Variants in TNFSF13 observed in about 807,000 individuals in gnomAD.
TNFSF13 encodes tumor necrosis factor ligand superfamily member 13.
In TNFSF13, 18 loss-of-function variants were observed where a neutral mutation model predicts 30.7. The observed-to-expected ratio is 0.59, with a 90% CI of 0.41 to 0.87. The LOEUF (loss-of-function observed/expected upper bound fraction) is 0.87. Among genes scored for constraint, TNFSF13 ranks in the 40% least tolerant of loss-of-function variants. The pLI, the probability that TNFSF13 is intolerant of heterozygous loss-of-function variation, is 0.00. For synonymous variants in TNFSF13, 116 were observed against 123.2 expected (o/e 0.94, Z 0.39); for missense variants, 286 against 308.8 (o/e 0.93, Z 0.55).
Position 7,561,487 on chromosome 17 carries a change from T to C in TNFSF13, c.*654T>C, listed in dbSNP as rs2071204291. 5.0e-6 allele frequency: 1 copy of C among 201,914 alleles called. No individual in the cohort carries two copies. The highest frequency in any genetic ancestry group is 2.4e-5 in the African/African-American group (1 of 42,128). 12.5% of individuals were successfully genotyped at this position (201,914 alleles called of 1,614,324 possible). On this transcript the variant is annotated 3_prime_UTR_variant, in exon 6 of 6. Coordinates refer to ENST00000338784, the MANE Select transcript of TNFSF13 (RefSeq NM_003808.4). The surrounding 1 kb of genome is among the most constrained non-coding windows in gnomAD (Gnocchi z 4.4). Reference sequence around the variant, plus strand: ...CCAAGCCCTTCCGGGCTGGAACTGGTGTCGGAGGAGCCTCGGGTGTATCGT... The same window carrying C: ...CCAAGCCCTTCCGGGCTGGAACTGGCGTCGGAGGAGCCTCGGGTGTATCGT...
At position 7,561,599 on chromosome 17, in the gene TNFSF13, A is replaced by G. The variant is rs1037706965; in HGVS notation, c.*766A>G. 2 of 156,848 alleles carry G rather than the reference A, an allele frequency of 1.3e-5. No homozygotes were observed. Among genetic ancestry groups the G allele is most frequent in the African/African-American group, 4.8e-5 (2 of 41,472 alleles). The allele number at this position is 156,848 out of a possible 1,614,324, so 9.7% of individuals were successfully genotyped here. A position where few individuals can be genotyped will look rare whatever the true frequency, so the allele number is the denominator to read the frequency against. On this transcript the variant is annotated 3_prime_UTR_variant, in exon 6 of 6. Transcript: ENST00000338784. This position sits in a 1 kb window ranked among gnomAD's most constrained non-coding sequence, Gnocchi z 4.4. Reference sequence around the variant, plus strand: ...AAAGTTAAATAAAATAGAATGAATGATACCCCGGCTCCATTTCCCCCACTG... The same window carrying G: ...AAAGTTAAATAAAATAGAATGAATGGTACCCCGGCTCCATTTCCCCCACTG...
Position 7,558,879 on chromosome 17 carries a change from T to C in TNFSF13, c.-161T>C, listed in dbSNP as rs2071116504. On this transcript the variant is annotated 5_prime_UTR_variant, in exon 1 of 6. Transcript: ENST00000338784. The surrounding 1 kb of genome is among the most constrained non-coding windows in gnomAD (Gnocchi z 4.3). The stretch of plus-strand genomic sequence containing the variant: ...CAGGAGCACTAACAGTACCCTTAGC[T>C]TGCTTTCCTCCTCCCTCCTTTTTAT... 1 of 893,304 alleles carries C rather than the reference T, an allele frequency of 1.1e-6. No homozygotes were observed. The highest frequency in any genetic ancestry group is 1.6e-6 in the Non-Finnish European group (1 of 628,776). The allele number at this position is 893,304 out of a possible 1,614,324, so 55.3% of individuals were successfully genotyped here.
chr17:7,559,733 A>C lies in TNFSF13; in HGVS notation c.337+31A>C. On this transcript the variant is annotated intron_variant, in intron 2 of 5. Transcript: ENST00000338784. This position sits in a 1 kb window ranked among gnomAD's most constrained non-coding sequence, Gnocchi z 5.4. ...GCTTCCAGGGTGCAGCAGGGGTGGGAGGTGATCAAGCAGCGTGGGGATTGT... is the reference window on the plus strand; with the variant it reads ...GCTTCCAGGGTGCAGCAGGGGTGGGCGGTGATCAAGCAGCGTGGGGATTGT... The C allele has an allele frequency of 6.2e-7, 1 of 1,613,764 alleles. No individual in the cohort carries two copies. Among genetic ancestry groups the C allele is most frequent in the Non-Finnish European group, 8.5e-7 (1 of 1,179,896 alleles).
In TNFSF13 at chr17:7,560,898, G is replaced by A; in HGVS notation, c.*65G>A. ...GTGGGTACATACTGGAGACAGCCAA[G>A]AGCTGAGTATATAAAGGAGAGGGAA... On this transcript the variant is annotated 3_prime_UTR_variant, in exon 6 of 6. Transcript: ENST00000338784. The A allele has an allele frequency of 1.2e-6, 2 of 1,614,188 alleles. No homozygotes were observed. The highest frequency in any genetic ancestry group is 1.7e-6 in the Non-Finnish European group (2 of 1,180,020).
In TNFSF13 at chr17:7,561,077, G is replaced by A. The variant is rs1597835613; in HGVS notation, c.*244G>A. On this transcript the variant is annotated 3_prime_UTR_variant, in exon 6 of 6. Transcript: ENST00000338784. The surrounding 1 kb of genome is among the most constrained non-coding windows in gnomAD (Gnocchi z 4.4). The stretch of plus-strand genomic sequence containing the variant: ...GCGTGTGTGTAGATGAGGGGCGGGG[G>A]ACGGGCGCCAGGCATTGTCCAGACC... The A allele has an allele frequency of 2.5e-6, 4 of 1,597,592 alleles. No individual in the cohort carries two copies. The highest frequency in any genetic ancestry group is 3.4e-6 in the Non-Finnish European group (4 of 1,171,876).
chr17:7,559,708 G>A lies in TNFSF13; in HGVS notation c.337+6G>A, dbSNP rs1415935197. The A allele has an allele frequency of 1.2e-6, 2 of 1,613,886 alleles. No individual in the cohort carries two copies. The highest frequency in any genetic ancestry group is 2.2e-5 in the East Asian group (1 of 44,864). The stretch of plus-strand genomic sequence containing the variant: ...GCTCACCCAAAAACAGAAGAGTGAG[G>A]CTTCCAGGGTGCAGCAGGGGTGGGA... On this transcript the variant is annotated splice_donor_region_variant and intron_variant, in intron 2 of 5. Transcript: ENST00000338784. This position sits in a 1 kb window ranked among gnomAD's most constrained non-coding sequence, Gnocchi z 5.4.
rs778802602 is a variant in TNFSF13 at position 7,561,113 on chromosome 17, C to T, written c.*280C>T. 2.5e-4 allele frequency: 391 copies of T among 1,550,450 alleles called. 1 individual carries two copies. The highest frequency in any genetic ancestry group is 3.0e-4 in the Non-Finnish European group (342 of 1,129,498). On this transcript the variant is annotated 3_prime_UTR_variant, in exon 6 of 6. Coordinates refer to ENST00000338784, the MANE Select transcript of TNFSF13 (RefSeq NM_003808.4). This position sits in a 1 kb window ranked among gnomAD's most constrained non-coding sequence, Gnocchi z 4.4. ...GGCATTGTCCAGACCTGGTCGGGGC[C>T]CACTGGAAGCATCCAGAACAGCACC...
In TNFSF13 at chr17:7,560,056, C is replaced by T. The variant is rs753640456; in HGVS notation, c.393C>T (p.Ser131=). The T allele has an allele frequency of 8.7e-6, 14 of 1,614,066 alleles. No homozygotes were observed. The highest frequency in any genetic ancestry group is 1.6e-4 in the Middle Eastern group (1 of 6,062). The change falls in exon 4 of 6, where the codon TCC becomes TCT. Residue 131 remains serine (S), a synonymous_variant. Transcript: ENST00000338784. The part of the protein sequence containing the change: ...VPINATSKDD[S]DVTEVMWQPA... ...ACACACTCTCACCTCCAGATGACTCCGATGTGACAGAGGTGATGTGGCAAC... is the reference window on the plus strand; with the variant it reads ...ACACACTCTCACCTCCAGATGACTCTGATGTGACAGAGGTGATGTGGCAAC...
At chr17:7,560,287 C>T in intron 4 of TNFSF13, 63 bp from the exon 5 acceptor site, 1 of 1,612,990 alleles carries the variant, frequency 6.2e-7, no homozygotes, top group Non-Finnish European at 8.5e-7. Context: ...GTTAGCGCTC[C>T]TGAGGCCTCC....
In TNFSF13 at chr17:7,561,245, G is replaced by T. The variant is rs1329048395; in HGVS notation, c.*412G>T. 23 of 604,234 alleles carry T rather than the reference G, an allele frequency of 3.8e-5. No individual in the cohort carries two copies. The highest frequency in any genetic ancestry group is 5.9e-6 in the Non-Finnish European group (2 of 341,494). The allele number at this position is 604,234 out of a possible 1,614,324, so 37.4% of individuals were successfully genotyped here. On this transcript the variant is annotated 3_prime_UTR_variant, in exon 6 of 6. Coordinates refer to ENST00000338784, the MANE Select transcript of TNFSF13 (RefSeq NM_003808.4). The surrounding 1 kb of genome is among the most constrained non-coding windows in gnomAD (Gnocchi z 4.4). ...GTTCTCCATGCCACACCTCTCTCCA[G>T]GTGCCCTCTGCCTCTTCACCCCACA...
Position 7,560,667 on chromosome 17 carries a change from A to G in TNFSF13, c.644-57A>G. The stretch of plus-strand genomic sequence containing the variant: ...GGTGGAGCTGGAGAAGGCAGGGGGA[A>G]ACAGGGCATCTGGATGGCTGTGCTT... On this transcript the variant is annotated intron_variant, in intron 5 of 5. Coordinates refer to ENST00000338784, the MANE Select transcript of TNFSF13 (RefSeq NM_003808.4). The G allele has an allele frequency of 9.9e-6, 16 of 1,613,216 alleles. No individual in the cohort carries two copies. In the South Asian group the frequency reaches 1.8e-4, roughly 18 times the overall value.
Position 7,559,069 on chromosome 17 carries a change from C to T in TNFSF13, c.30C>T (p.Ala10=). 3 of 1,568,700 alleles carry T rather than the reference C, an allele frequency of 1.9e-6. No individual in the cohort carries two copies. The highest frequency in any genetic ancestry group is 1.2e-5 in the South Asian group (1 of 86,252). Residue 10 remains alanine (A), a synonymous_variant, in exon 1 of 6, where the codon GCC becomes GCT. Coordinates refer to ENST00000338784, the MANE Select transcript of TNFSF13 (RefSeq NM_003808.4). The surrounding 1 kb of genome is among the most constrained non-coding windows in gnomAD (Gnocchi z 5.4). MPASSPFLL[A]PKGPPGNMGG... ...CAGCCTCATCTCCTTTCTTGCTAGC[C>T]CCCAAAGGGCCTCCAGGCAACATGG...
At chr17:7,560,621 C>A (rs1392652033) in intron 5 of TNFSF13, 103 bp from the exon 6 acceptor site, 3 of 1,610,854 alleles carry the variant, frequency 1.9e-6, no homozygotes, top group Admixed American at 1.7e-5. Context: ...AATGCCGGGT[C>A]CTTACAGGAG....
Position 7,561,103 on chromosome 17 carries a change from T to C in TNFSF13, c.*270T>C. ...ACGGGCGCCAGGCATTGTCCAGACC[T>C]GGTCGGGGCCCACTGGAAGCATCCA... On this transcript the variant is annotated 3_prime_UTR_variant, in exon 6 of 6. Transcript: ENST00000338784. The surrounding 1 kb of genome is among the most constrained non-coding windows in gnomAD (Gnocchi z 4.4). 1 of 1,579,962 alleles carries C rather than the reference T, an allele frequency of 6.3e-7. No homozygotes were observed. Among genetic ancestry groups the C allele is most frequent in the Admixed American group, 1.7e-5 (1 of 59,368 alleles).
chr17:7,558,966 G>A lies in TNFSF13; in HGVS notation c.-74G>A, dbSNP rs563864676. On this transcript the variant is annotated 5_prime_UTR_variant, in exon 1 of 6. Transcript: ENST00000338784. The surrounding 1 kb of genome is among the most constrained non-coding windows in gnomAD (Gnocchi z 4.3). ...CTTCTTCCCTTCTGCACCACTGCCC[G>A]TACCCTTACCCGCCCCGCCACCTCC... is the stretch of plus-strand genomic sequence containing the variant. 152 of 1,462,526 alleles carry A rather than the reference G, an allele frequency of 1.0e-4. No homozygotes were observed. The highest frequency in any genetic ancestry group is 1.0e-3 in the East Asian group (42 of 41,806). 90.6% of individuals were successfully genotyped at this position (1,462,526 alleles called of 1,614,324 possible).
At chr17:7,560,017 A>G in intron 3 of TNFSF13, 32 bp from the exon 4 acceptor site, 2 of 1,614,156 alleles carry the variant, frequency 1.2e-6, no homozygotes, top group Non-Finnish European at 1.7e-6. Flanking sequence ...GAGAGTGCCA[A>G]GAAGTCCTGA....
intron 5 of TNFSF13, 46 bp downstream of exon 5, chr17:7,560,534 G>T: frequency 6.2e-7 from 1 of 1,613,170 alleles, no homozygotes; most frequent in African/African-American, 1.3e-5. Context: ...TCTGACCGGG[G>T]GTAGCAGTGC....
rs767405650 is a variant in TNFSF13, at chr17:7,559,104, T to G, written c.65T>G (p.Val22Gly). The change falls in exon 1 of 6, where the codon GTC (valine) becomes GGC (glycine). Residue 22 changes from valine (V) to glycine (G), a missense_variant. Val to Gly is a moderately radical substitution (Grantham distance 109). Coordinates refer to ENST00000338784, the MANE Select transcript of TNFSF13 (RefSeq NM_003808.4). The surrounding 1 kb of genome is among the most constrained non-coding windows in gnomAD (Gnocchi z 5.4). Reference protein sequence around the residue: ...KGPPGNMGGPVREPALSVALW... With the variant: ...KGPPGNMGGPGREPALSVALW... ...CCTCCAGGCAACATGGGGGGCCCAG[T>G]CAGAGAGCCGGCACTCTCAGTTGCC... is the stretch of plus-strand genomic sequence containing the variant. 18 of 1,601,484 alleles carry G rather than the reference T, an allele frequency of 1.1e-5. No individual in the cohort carries two copies. The South Asian group carries it at 2.0e-4, about 18-fold the overall frequency.
rs1202892688 is a variant in TNFSF13, at chr17:7,560,865, A to T, written c.*32A>T. On this transcript the variant is annotated 3_prime_UTR_variant, in exon 6 of 6. Transcript: ENST00000338784. ...TATAAAAAGTGGCTCCCAGCTTGGAAGACCAGGGTGGGTACATACTGGAGA... is the reference window on the plus strand; with the variant it reads ...TATAAAAAGTGGCTCCCAGCTTGGATGACCAGGGTGGGTACATACTGGAGA... The T allele has an allele frequency of 2.5e-6, 4 of 1,613,718 alleles. No homozygotes were observed. The African/African-American group carries it at 5.3e-5, about 22-fold the overall frequency.
Sources: gnomAD v4.1 joint callset for allele counts on GRCh38, gnomAD v4.1.1 for gene constraint, Gnocchi (gnomAD v3.1) non-coding constraint, MANE v1.5 for transcripts, NCBI Gene and HGNC (gene_info 2026-07-23, HGNC 2026-07-21) for gene names.